MED27: variants seen among roughly 807,000 people sequenced by gnomAD.
MED27 encodes the protein mediator of RNA polymerase II transcription subunit 27.
Under a neutral mutation model 38.2 loss-of-function variants are expected in MED27, and 30 were observed. The ratio of observed to expected loss-of-function variants is 0.79; its 90% CI spans 0.59 to 1.07. The LOEUF (loss-of-function observed/expected upper bound fraction) is 1.07, where lower values mean the gene tolerates loss of function less well. Ranked by LOEUF, MED27 falls within the 50% of genes least tolerant of loss-of-function variation. MED27 has a pLI of 0.00. For missense variants in MED27, 289 were observed against 397.5 expected (o/e 0.73, Z 2.32); for synonymous variants, 122 against 153.5 (o/e 0.79, Z 1.52).
chr9:132,041,613 G>A (rs142591013), intron 2 of MED27, among the ~76,000 whole-genome samples: 19 of 152,376 alleles, frequency 1.2e-4, no homozygotes, highest in African/African-American at 4.6e-4. Flanking sequence ...CATGTGTGTT[G>A]TGACAAAGCT....
intron 3 of MED27, among the ~76,000 whole-genome samples, chr9:131,940,243 C>G (rs1005789605): frequency 2.6e-5 from 4 of 152,002 alleles, no homozygotes; most frequent in Non-Finnish European, 5.9e-5. Flanking sequence ...CATTCCTGAT[C>G]TCCTGGTTGT....
In MED27 at chr9:132,062,616, ATT is replaced by A. The variant is rs10712445; in HGVS notation, c.348+14824_348+14825del. Among the ~76,000 whole-genome samples, 1,024 of 145,098 alleles carry A rather than the reference ATT, an allele frequency of 7.1e-3. 14 individuals are homozygous for A. Among genetic ancestry groups the A allele is most frequent in the East Asian group, 0.036 (177 of 4,934 alleles). On this transcript the variant is annotated intron_variant, in intron 2 of 7. Transcript: ENST00000292035. ...GAGCACGAGAAGGAGTCATCAATACATTTTTTTTTTTTTTTTAAACAGACAGG... is the reference window on the plus strand; with the variant it reads ...GAGCACGAGAAGGAGTCATCAATACATTTTTTTTTTTTTTAAACAGACAGG...
At chr9:131,950,242 G>A (rs1830965879) in intron 3 of MED27, among the ~76,000 whole-genome samples, 1 of 152,224 alleles carries the variant, frequency 6.6e-6, no homozygotes, top group African/African-American at 2.4e-5. Flanking sequence ...ATTTCTGTCA[G>A]ATCTGGTGAA....
At chr9:132,071,859 C>T (rs1833947369) in intron 2 of MED27, among the ~76,000 whole-genome samples, 1 of 151,388 alleles carries the variant, frequency 6.6e-6, no homozygotes, top group Non-Finnish European at 1.5e-5. Context: ...TGAACAAGCA[C>T]ACACACACAC....
At chr9:132,041,311 C>A (rs746804779) in intron 2 of MED27, among the ~76,000 whole-genome samples, 3 of 152,152 alleles carry the variant, frequency 2.0e-5, no homozygotes, top group Non-Finnish European at 2.9e-5. Flanking sequence ...ACTGAGCACG[C>A]ACACACGACT....
At chr9:131,949,092 T>C (rs1256167604) in intron 3 of MED27, among the ~76,000 whole-genome samples, 2 of 152,128 alleles carry the variant, frequency 1.3e-5, no homozygotes, top group East Asian at 1.9e-4. Context: ...CATCACAAAA[T>C]AGAGTTCTTC....
chr9:131,946,556 C>T (rs1009486832), intron 3 of MED27, among the ~76,000 whole-genome samples: 1 of 152,194 alleles, frequency 6.6e-6, no homozygotes, highest in African/African-American at 2.4e-5. Context: ...ATGCTTTACA[C>T]CCATGCTCCT....
rs748597751 is a variant in MED27, at chr9:132,014,414, C to T, written c.402G>A (p.Lys134=). ...ATACTCCCATCTGATTAGCGGAACG[C>T]TTCAATGACTGCTGATTTAAAAGGC... ...ASGLLNQQSL[K]RSANQMGVSA... Residue 134 remains lysine (K), a synonymous_variant, in exon 3 of 8, where the codon AAG becomes AAA. Coordinates refer to ENST00000292035, the MANE Select transcript of MED27 (RefSeq NM_004269.4). 13 of 1,613,906 alleles carry T rather than the reference C, an allele frequency of 8.1e-6. No individual in the cohort carries two copies. The South Asian group carries it at 1.4e-4, about 18-fold the overall frequency.
intron 3 of MED27, among the ~76,000 whole-genome samples, chr9:131,946,750 GCA>G (rs999408679): frequency 1.3e-5 from 2 of 152,164 alleles, no homozygotes; most frequent in African/African-American, 4.8e-5. Flanking sequence ...TGGACACTGT[GCA>G]CACTCTGTCT....
At chr9:131,915,601 T>C (rs1830274806) in intron 4 of MED27, among the ~76,000 whole-genome samples, 1 of 152,244 alleles carries the variant, frequency 6.6e-6, no homozygotes, top group African/African-American at 2.4e-5. Flanking sequence ...ACAGTTGCTG[T>C]GGTAATTAAG....
chr9:131,968,243 T>C (rs571810387), intron 3 of MED27, among the ~76,000 whole-genome samples: 1 of 151,866 alleles, frequency 6.6e-6, no homozygotes, highest in South Asian at 2.1e-4. Context: ...AATGCCAAGG[T>C]AGGAGGGATT....
intron 3 of MED27, among the ~76,000 whole-genome samples, chr9:131,981,576 A>G (rs1307267741): frequency 1.3e-5 from 2 of 152,194 alleles, no homozygotes; most frequent in African/African-American, 4.8e-5. Context: ...AGTCCAAAAG[A>G]GGAGGAGGAG....
At chr9:131,959,230 A>C (rs1198536230) in intron 3 of MED27, among the ~76,000 whole-genome samples, 1 of 152,220 alleles carries the variant, frequency 6.6e-6, no homozygotes, top group Non-Finnish European at 1.5e-5. Flanking sequence ...GGACAATAAC[A>C]GTATCTTCTT....
intron 3 of MED27, among the ~76,000 whole-genome samples, chr9:131,981,842 C>T (rs779736178): frequency 2.0e-5 from 3 of 152,196 alleles, no homozygotes; most frequent in Non-Finnish European, 2.9e-5. Flanking sequence ...CAATTTCCAA[C>T]CAGATTTGAC....
At chr9:131,866,980 C>T (rs1249333056) in intron 6 of MED27, among the ~76,000 whole-genome samples, 3 of 152,202 alleles carry the variant, frequency 2.0e-5, no homozygotes, top group Non-Finnish European at 4.4e-5. Flanking sequence ...CCCTCTCCTT[C>T]GCGTGTTGAG....
intron 4 of MED27, among the ~76,000 whole-genome samples, chr9:131,910,625 G>A (rs544067621): frequency 1.1e-4 from 16 of 152,208 alleles, no homozygotes; most frequent in Non-Finnish European, 1.5e-4. Flanking sequence ...GAATCCTCAC[G>A]GATTTGAAGT....
intron 2 of MED27, among the ~76,000 whole-genome samples, chr9:132,063,964 G>A (rs1833752192): frequency 6.6e-6 from 1 of 152,170 alleles, no homozygotes; most frequent in African/African-American, 2.4e-5. Context: ...GAAGGAAAAC[G>A]CACTTCCGCC....
chr9:131,944,885 AAC>A (rs1175223511), intron 3 of MED27, among the ~76,000 whole-genome samples: 1 of 151,918 alleles, frequency 6.6e-6, no homozygotes, highest in African/African-American at 2.4e-5. Context: ...TGAAAATTAA[AAC>A]ACATGTCTGT....
intron 4 of MED27, among the ~76,000 whole-genome samples, chr9:131,915,101 G>A (rs1369308535): frequency 1.3e-5 from 2 of 152,156 alleles, no homozygotes; most frequent in Non-Finnish European, 2.9e-5. Flanking sequence ...AAAGCCATGA[G>A]ATGTATGAGA....
Sources: gnomAD v4.1 joint callset for allele counts (sites outside exome capture counted in the v4.1 genomes callset) on GRCh38, gnomAD v4.1.1 for gene constraint, MANE v1.5 for transcripts, NCBI Gene and HGNC (gene_info 2026-07-23, HGNC 2026-07-21) for gene names.